The following CCDC7 variants were observed in gnomAD, a reference collection of about 807,000 sequenced individuals.
The protein encoded by CCDC7 is coiled-coil domain containing 7, also known as coiled-coil domain-containing protein 7.
A neutral mutation model predicts 196.9 loss-of-function variants in CCDC7; 183 were observed. The ratio of observed to expected loss-of-function variants is 0.93; its 90% CI spans 0.82 to 1.05. The LOEUF is 1.05. Among genes scored for constraint, CCDC7 ranks in the 50% least tolerant of loss-of-function variants. CCDC7 has a pLI of 0.00. For missense variants in CCDC7, 1,540 were observed against 1,482.2 expected (o/e 1.04, Z -0.64); for synonymous variants, 525 against 484.6 (o/e 1.08, Z -1.10).
chr10:32,663,307 C>T (rs1172782170), intron 20 of CCDC7, among the ~76,000 whole-genome samples: 1 of 152,140 alleles, frequency 6.6e-6, no homozygotes, highest in Non-Finnish European at 1.5e-5. Context: ...AACATGAAAA[C>T]ATGCATTGTA....
At chr10:32,577,613 G>A (rs1006626410) in intron 16 of CCDC7, among the ~76,000 whole-genome samples, 1 of 152,154 alleles carries the variant, frequency 6.6e-6, no homozygotes, top group Non-Finnish European at 1.5e-5. Context: ...CTTTGAGAGA[G>A]GCTTTTCCAT....
At chr10:32,876,900 G>A (rs934897334), downstream of CCDC7, 2 of 152,172 alleles carry the variant, frequency 1.3e-5, no homozygotes, top group Admixed American at 1.3e-4. Context: ...ACTGTCCCCT[G>A]AAGAGCATAA....
intron 25 of CCDC7, among the ~76,000 whole-genome samples, chr10:32,723,063 A>T (rs1388910833): frequency 1.3e-5 from 2 of 151,956 alleles, no homozygotes; most frequent in Non-Finnish European, 2.9e-5. Context: ...ATTAATCAGG[A>T]TCCATTACTT....
chr10:32,518,463 G>A, exon 11 of CCDC7: 2 of 1,607,216 alleles, frequency 1.2e-6, no homozygotes, highest in Non-Finnish European at 1.7e-6. Context: ...CAGAAGAGAA[G>A]TTGGTGCTGG....
chr10:32,772,703 G>A (rs2079359625), intron 28 of CCDC7, among the ~76,000 whole-genome samples: 2 of 152,204 alleles, frequency 1.3e-5, no homozygotes, highest in African/African-American at 4.8e-5. Context: ...GGGAGTGCAT[G>A]CAAGGATCAT....
intron 20 of CCDC7, among the ~76,000 whole-genome samples, chr10:32,640,050 A>G (rs7916935): frequency 0.14 from 21,579 of 152,140 alleles, 1,885 homozygotes; most frequent in African/African-American, 0.25. Flanking sequence ...GTAGATGTCT[A>G]TTAGGTCTTC....
At chr10:32,524,413 C>T (rs1284603221) in intron 11 of CCDC7, among the ~76,000 whole-genome samples, 3 of 152,180 alleles carry the variant, frequency 2.0e-5, no homozygotes, top group African/African-American at 2.4e-5. Flanking sequence ...GTAGTTTACA[C>T]ACCACAGTTA....
intron 28 of CCDC7, among the ~76,000 whole-genome samples, chr10:32,747,551 C>T (rs977116171): frequency 4.6e-5 from 7 of 152,112 alleles, no homozygotes; most frequent in Non-Finnish European, 7.4e-5. Flanking sequence ...GAGCAAAAGA[C>T]ATGAACAGAC....
chr10:32,699,342 T>C (rs1486714391), intron 24 of CCDC7, among the ~76,000 whole-genome samples: 2 of 151,896 alleles, frequency 1.3e-5, no homozygotes, highest in African/African-American at 4.8e-5. Context: ...CTGAGAATGA[T>C]GGTTTCCAGC....
intron 11 of CCDC7, among the ~76,000 whole-genome samples, chr10:32,541,285 C>T (rs2051382615): frequency 6.9e-6 from 1 of 144,606 alleles, no homozygotes; most frequent in African/African-American, 2.6e-5. Context: ...CTTCCTGGAA[C>T]AACATGAAGG....
intron 28 of CCDC7, among the ~76,000 whole-genome samples, chr10:32,752,433 C>T (rs2075804575): frequency 6.6e-6 from 1 of 152,118 alleles, no homozygotes; most frequent in Non-Finnish European, 1.5e-5. Context: ...TAGCTCCTGC[C>T]TACAAATCAA....
chr10:32,460,246 G>T (rs956239401), intron 3 of CCDC7, among the ~76,000 whole-genome samples: 2 of 152,162 alleles, frequency 1.3e-5, no homozygotes, highest in African/African-American at 2.4e-5. Flanking sequence ...TTAATCACAT[G>T]AAGGATTATC....
intron 11 of CCDC7, among the ~76,000 whole-genome samples, chr10:32,535,437 A>G (rs1287074266): frequency 6.6e-6 from 1 of 152,196 alleles, no homozygotes; most frequent in Non-Finnish European, 1.5e-5. Flanking sequence ...ACATCAATCA[A>G]TACATGTGAA....
chr10:32,511,423 A>G, intron 9 of CCDC7: 2 of 1,610,154 alleles, frequency 1.2e-6, no homozygotes, highest in Non-Finnish European at 1.7e-6. Flanking sequence ...CCAGCTTGCC[A>G]GCCTTTTTCT....
At chr10:32,748,626 C>A (rs1291074229) in intron 28 of CCDC7, among the ~76,000 whole-genome samples, 4 of 152,136 alleles carry the variant, frequency 2.6e-5, no homozygotes, top group Non-Finnish European at 5.9e-5. Flanking sequence ...CTTCTATAAT[C>A]TTATGGTTAG....
chr10:32,507,183 G>A (rs1003795872), intron 9 of CCDC7, among the ~76,000 whole-genome samples: 4 of 151,884 alleles, frequency 2.6e-5, no homozygotes, highest in African/African-American at 4.8e-5. Context: ...AGTAGAGACG[G>A]GGTTTCACCA....
At chr10:32,484,027 A>G (rs918272626) in intron 8 of CCDC7, among the ~76,000 whole-genome samples, 19 of 152,094 alleles carry the variant, frequency 1.2e-4, no homozygotes, top group South Asian at 2.1e-4. Flanking sequence ...TTCGAATTCT[A>G]TGAAGAAAGT....
At chr10:32,510,529 T>A (rs1406104160) in intron 9 of CCDC7, among the ~76,000 whole-genome samples, 2 of 152,226 alleles carry the variant, frequency 1.3e-5, no homozygotes, top group Non-Finnish European at 2.9e-5. Flanking sequence ...GATCTCTTTG[T>A]GGCCTTGATG....
At chr10:32,845,379 G>C (rs2093224198) in intron 34 of CCDC7, 53 bp downstream of exon 35, 1 of 1,379,588 alleles carries the variant, frequency 7.2e-7, no homozygotes. Flanking sequence ...GATATTCCCT[G>C]AGTTAAATTA....
Sources: allele counts gnomAD v4.1 joint callset (sites outside exome capture counted in the v4.1 genomes callset), GRCh38; gene constraint gnomAD v4.1.1; transcripts MANE v1.5; gene names NCBI Gene and HGNC (gene_info 2026-07-23, HGNC 2026-07-21).